Variants in ST6GALNAC3 observed in about 807,000 individuals in gnomAD.
The protein encoded by ST6GALNAC3 is ST6 N-acetylgalactosaminide alpha-2,6-sialyltransferase 3.
A neutral mutation model predicts 32.7 loss-of-function variants in ST6GALNAC3; 25 were observed. That is an observed-to-expected ratio of 0.76 (90% CI 0.56 to 1.07). The LOEUF (loss-of-function observed/expected upper bound fraction) is 1.07. Ranked by LOEUF, ST6GALNAC3 falls within the 50% of genes least tolerant of loss-of-function variation. The probability of loss-of-function intolerance (pLI) is 0.00; values close to 1 mark genes in which losing one functional copy is unlikely to be tolerated. For synonymous variants in ST6GALNAC3, 129 were observed against 133.1 expected, an observed-to-expected ratio of 0.97 and a Z score of 0.21; for missense variants, 355 against 382.4, an observed-to-expected ratio of 0.93 and a Z score of 0.60.
intron 3 of ST6GALNAC3, among the ~76,000 whole-genome samples, chr1:76,450,549 C>A (rs1200224486): frequency 6.6e-6 from 1 of 152,010 alleles, no homozygotes; most frequent in Non-Finnish European, 1.5e-5. Flanking sequence ...TTTTTCTGTG[C>A]CTTTTAGTTC....
intron 3 of ST6GALNAC3, among the ~76,000 whole-genome samples, chr1:76,599,477 T>A (rs1647187053): frequency 6.7e-6 from 1 of 148,698 alleles, no homozygotes. Flanking sequence ...GGCCCCAGTG[T>A]GTGATGTTCC....
rs547227012 is a variant in ST6GALNAC3, at chr1:76,331,569, GTCATCAGTTCC to G, written c.213+17576_213+17586del. The stretch of plus-strand genomic sequence containing the variant: ...TACCTATTTAAATACTGGATAGATT[GTCATCAGTTCC>G]TCATCTGACCAATCATTTGTTTCAC... On this transcript the variant is annotated intron_variant, in intron 2 of 4. Coordinates refer to ENST00000328299, the MANE Select transcript of ST6GALNAC3 (RefSeq NM_152996.4). 1.1e-4 allele frequency among the ~76,000 whole-genome samples: 17 copies of G among 152,240 alleles called. No homozygotes were observed. The South Asian group carries it at 3.3e-3, about 30-fold the overall frequency.
intron 3 of ST6GALNAC3, among the ~76,000 whole-genome samples, chr1:76,538,138 G>A (rs1017450544): frequency 1.3e-5 from 2 of 152,070 alleles, no homozygotes; most frequent in African/African-American, 4.8e-5. Flanking sequence ...CTGGCAAACC[G>A]AGTCCAGCAG....
At chr1:76,363,346 C>A (rs1442725531) in intron 2 of ST6GALNAC3, among the ~76,000 whole-genome samples, 1 of 152,162 alleles carries the variant, frequency 6.6e-6, no homozygotes, top group African/African-American at 2.4e-5. Context: ...TAAGGCATTG[C>A]AAAAATGACA....
chr1:76,202,272 G>A (rs978935822), intron 1 of ST6GALNAC3, among the ~76,000 whole-genome samples: 9 of 138,264 alleles, frequency 6.5e-5, no homozygotes, highest in African/African-American at 2.7e-4. Context: ...GCATGCATGT[G>A]TGTGTGTGTG....
chr1:76,182,194 T>G (rs140888578), intron 1 of ST6GALNAC3, among the ~76,000 whole-genome samples: 317 of 152,352 alleles, frequency 2.1e-3, no homozygotes, highest in Middle Eastern at 0.014. Flanking sequence ...GCTTAGAAAT[T>G]ACTCCACAGG....
intron 3 of ST6GALNAC3, among the ~76,000 whole-genome samples, chr1:76,488,200 T>A (rs1191622090): frequency 6.6e-6 from 1 of 152,136 alleles, no homozygotes; most frequent in African/African-American, 2.4e-5. Flanking sequence ...GCTTGGGACA[T>A]CCCCTTTGTG....
chr1:76,353,032 C>A (rs1452516534), intron 2 of ST6GALNAC3, among the ~76,000 whole-genome samples: 1 of 152,008 alleles, frequency 6.6e-6, no homozygotes, highest in African/African-American at 2.4e-5. Flanking sequence ...CCAGCCCTCA[C>A]CCTCATCATC....
At chr1:76,480,044 C>G (rs939519852) in intron 3 of ST6GALNAC3, among the ~76,000 whole-genome samples, 1 of 152,054 alleles carries the variant, frequency 6.6e-6, no homozygotes, top group Middle Eastern at 3.2e-3. Flanking sequence ...ACAGCTCCCA[C>G]GTCTGTAATT....
At chr1:76,296,267 G>A (rs959439658) in intron 1 of ST6GALNAC3, among the ~76,000 whole-genome samples, 1 of 152,054 alleles carries the variant, frequency 6.6e-6, no homozygotes, top group Non-Finnish European at 1.5e-5. Flanking sequence ...AACTTCTTGG[G>A]AAGTGTGTGT....
At chr1:76,352,524 C>T (rs1649076033) in intron 2 of ST6GALNAC3, among the ~76,000 whole-genome samples, 1 of 134,450 alleles carries the variant, frequency 7.4e-6, no homozygotes, top group African/African-American at 2.7e-5. Context: ...TTTTTTACCT[C>T]CGGCCAATCT....
At chr1:76,117,706 C>A (rs1648573764) in intron 1 of ST6GALNAC3, among the ~76,000 whole-genome samples, 1 of 152,128 alleles carries the variant, frequency 6.6e-6, no homozygotes, top group African/African-American at 2.4e-5. Flanking sequence ...AAGACAATTC[C>A]ACACTGTGGT....
chr1:76,217,514 T>G (rs1202476256), intron 1 of ST6GALNAC3, among the ~76,000 whole-genome samples: 3 of 152,036 alleles, frequency 2.0e-5, no homozygotes, highest in Non-Finnish European at 4.4e-5. Flanking sequence ...ACACAACTTC[T>G]TCTTATTATT....
At chr1:76,270,931 G>A (rs1016179812) in intron 1 of ST6GALNAC3, among the ~76,000 whole-genome samples, 3 of 152,162 alleles carry the variant, frequency 2.0e-5, no homozygotes, top group African/African-American at 7.2e-5. Flanking sequence ...GAATTTTATT[G>A]TCAGTGTGCT....
In ST6GALNAC3 at chr1:76,525,789, GTGTATATA is replaced by G. The variant is rs1466878833; in HGVS notation, c.624-101661_624-101654del. 1.2e-4 allele frequency among the ~76,000 whole-genome samples: 7 copies of G among 58,948 alleles called. No individual in the cohort carries two copies. The East Asian group carries it at 4.1e-3, about 35-fold the overall frequency. 38.7% of individuals were successfully genotyped at this position (58,948 alleles called of 152,430 possible). ...TGTGTGTTTGTGTGTGTGTGTGTGTGTGTATATATATATATATATATATATATATATAT... is the reference window on the plus strand; with the variant it reads ...TGTGTGTTTGTGTGTGTGTGTGTGTGTATATATATATATATATATATATAT... On this transcript the variant is annotated intron_variant, in intron 3 of 4. Transcript: ENST00000328299.
At chr1:76,615,368 C>A (rs1648226915) in intron 3 of ST6GALNAC3, among the ~76,000 whole-genome samples, 1 of 152,138 alleles carries the variant, frequency 6.6e-6, no homozygotes, top group Non-Finnish European at 1.5e-5. Flanking sequence ...ATTGAGGGAA[C>A]CACCAAGAGA....
intron 2 of ST6GALNAC3, among the ~76,000 whole-genome samples, chr1:76,381,144 T>C (rs149236203): frequency 7.1e-4 from 102 of 144,040 alleles, no homozygotes; most frequent in African/African-American, 2.1e-3. Flanking sequence ...GCACAAGATA[T>C]TGTTAGAAAA....
In ST6GALNAC3 at chr1:76,403,027, A is replaced by G. The variant is rs1653548258; in HGVS notation, c.214-8981A>G. On this transcript the variant is annotated intron_variant, in intron 2 of 4. Transcript: ENST00000328299. ...ACTATAAGCCCTTAAAGTATCCTTCAGCCCAGAAAGCAAAACAAAATGAAA... is the reference window on the plus strand; with the variant it reads ...ACTATAAGCCCTTAAAGTATCCTTCGGCCCAGAAAGCAAAACAAAATGAAA... 4.6e-5 allele frequency among the ~76,000 whole-genome samples: 7 copies of G among 152,030 alleles called. No homozygotes were observed. The South Asian group carries it at 1.5e-3, about 32-fold the overall frequency.
chr1:76,577,422 G>T, intron 3 of ST6GALNAC3: 3 of 620,126 alleles, frequency 4.8e-6, no homozygotes, highest in Non-Finnish European at 6.0e-6. Flanking sequence ...TAGTATCTTG[G>T]CTCACTAATT....
Sources: allele counts gnomAD v4.1 joint callset (sites outside exome capture counted in the v4.1 genomes callset), GRCh38; gene constraint gnomAD v4.1.1; transcripts MANE v1.5; gene names NCBI Gene and HGNC (gene_info 2026-07-23, HGNC 2026-07-21).